Variants in CFAP99 observed in about 807,000 individuals in gnomAD.
CFAP99 encodes cilia- and flagella-associated protein 99.
A neutral mutation model predicts 82.7 loss-of-function variants in CFAP99; 84 were observed. The observed-to-expected ratio is 1.02, with a 90% CI of 0.85 to 1.22. The LOEUF is 1.22. Ranked by LOEUF, CFAP99 falls within the 50% of genes most tolerant of loss-of-function variation. The pLI is 0.00. For synonymous variants in CFAP99, 456 were observed against 429.5 expected (o/e 1.06, Z -0.76); for missense variants, 1,059 against 983.5 (o/e 1.08, Z -1.03).
chr4:2,437,943 A>G (rs1203762), intron 3 of CFAP99, 127 bp from the exon 4 acceptor site: 416,387 of 590,480 alleles, frequency 0.71, 150,811 homozygotes, highest in East Asian at 1. Context: ...TCAGGTGGGC[A>G]CCAATAGGGT....
chr4:2,449,960 G>T (rs1203957849), exon 8 of CFAP99: 1 of 1,536,092 alleles, frequency 6.5e-7, no homozygotes, highest in South Asian at 1.2e-5. Context: ...CAAACATCGA[G>T]GAACTGCGCT....
At chr4:2,433,203 C>T (rs987922087) in intron 2 of CFAP99, among the ~76,000 whole-genome samples, 13 of 152,236 alleles carry the variant, frequency 8.5e-5, no homozygotes, top group Non-Finnish European at 1.8e-4. Context: ...TGGCATAGGG[C>T]TCAAGGCTCC....
chr4:2,447,809 AATGGATGGATGGGTGGGTGGGTGG>A (rs1560385838), intron 6 of CFAP99, among the ~76,000 whole-genome samples: 1 of 125,072 alleles, frequency 8.0e-6, no homozygotes, highest in Non-Finnish European at 1.6e-5. Context: ...TAGGTGAATT[AATGGATGGATGGGTGGGTGGGTGG>A]ATGGATGGAT....
chr4:2,452,393 G>A, intron 11 of CFAP99, 47 bp downstream of exon 11: 2 of 1,517,956 alleles, frequency 1.3e-6, no homozygotes, highest in Non-Finnish European at 1.8e-6. Context: ...CAGCTGAACT[G>A]TGTGCCCACC....
Position 2,441,727 on chromosome 4 carries a change from C to T in CFAP99, c.352-1403C>T, listed in dbSNP as rs1285428892. Reference sequence around the variant, plus strand: ...ATGCCCCGCTGGGCCATGCCTATCCCATTGGGGTCCTTCTTCCTGCCTCGG... The same window carrying T: ...ATGCCCCGCTGGGCCATGCCTATCCTATTGGGGTCCTTCTTCCTGCCTCGG... On this transcript the variant is annotated intron_variant, in intron 4 of 14. Transcript: ENST00000635017. Among the ~76,000 whole-genome samples, 3 of 152,240 alleles carry T rather than the reference C, an allele frequency of 2.0e-5. No homozygotes were observed. The East Asian group carries it at 5.8e-4, about 29-fold the overall frequency.
intron 2 of CFAP99, among the ~76,000 whole-genome samples, chr4:2,431,625 C>T (rs1451073441): frequency 6.6e-6 from 1 of 152,162 alleles, no homozygotes; most frequent in Non-Finnish European, 1.5e-5. Flanking sequence ...CCATGGAGAT[C>T]CACTGCTGCT....
At chr4:2,440,178 G>T (rs28391615) in intron 4 of CFAP99, among the ~76,000 whole-genome samples, 4 of 104,440 alleles carry the variant, frequency 3.8e-5, no homozygotes, top group East Asian at 6.3e-4. Flanking sequence ...ACGGAGTCTC[G>T]CTCTGTCGCC....
intron 1 of CFAP99, among the ~76,000 whole-genome samples, chr4:2,425,617 C>T (rs1246665577): frequency 2.0e-5 from 3 of 152,202 alleles, no homozygotes; most frequent in African/African-American, 7.2e-5. Flanking sequence ...AGAAGGGCCC[C>T]CCTCTGCCCA....
chr4:2,442,406 G>A (rs1734063662), intron 4 of CFAP99, among the ~76,000 whole-genome samples: 1 of 152,090 alleles, frequency 6.6e-6, no homozygotes, highest in Non-Finnish European at 1.5e-5. Flanking sequence ...GGTTTCCTCT[G>A]CATGGAGAAG....
intron 2 of CFAP99, among the ~76,000 whole-genome samples, chr4:2,431,911 CTT>C (rs1297851329): frequency 6.6e-5 from 10 of 152,180 alleles, no homozygotes; most frequent in Non-Finnish European, 1.0e-4. Context: ...CATCGTTTCT[CTT>C]GTTATATTTT....
At chr4:2,422,931 C>A (rs1733612835) in intron 1 of CFAP99, among the ~76,000 whole-genome samples, 1 of 152,228 alleles carries the variant, frequency 6.6e-6, no homozygotes, top group Non-Finnish European at 1.5e-5. Context: ...CTCAGCCCCC[C>A]AAGGAGCTAG....
chr4:2,457,934 G>A (rs917841841), intron 11 of CFAP99, among the ~76,000 whole-genome samples: 22 of 152,324 alleles, frequency 1.4e-4, no homozygotes, highest in African/African-American at 4.3e-4. Context: ...AGACTTGTCC[G>A]CTGCCAGGGA....
Position 2,462,744 on chromosome 4 carries a change from G to A in CFAP99, c.1963G>A (p.Ala655Thr). 1.6e-6 allele frequency: 2 copies of A among 1,241,094 alleles called. No individual in the cohort carries two copies. The highest frequency in any genetic ancestry group is 3.1e-4 in the Middle Eastern group (1 of 3,182). The allele number at this position is 1,241,094 out of a possible 1,614,324, so 76.9% of individuals were successfully genotyped here. A position where few individuals can be genotyped will look rare whatever the true frequency, so the allele number is the denominator to read the frequency against. ...GGTCCGGTCCGCGGCCGGGAGATAC[G>A]CAGCGGCGGGCGCGGGAGGCGGTGG... is the stretch of plus-strand genomic sequence containing the variant. Residue 655 changes from alanine (A) to threonine (T), a missense_variant, in exon 15 of 15, where the codon GCA becomes ACA. Ala to Thr is a moderately conservative substitution (Grantham distance 58). Coordinates refer to ENST00000635017, the Ensembl canonical transcript of CFAP99. The surrounding 1 kb of genome is among the most constrained non-coding windows in gnomAD (Gnocchi z 4.1).
chr4:2,434,150 G>T (rs1460893039), intron 2 of CFAP99, among the ~76,000 whole-genome samples: 1 of 152,216 alleles, frequency 6.6e-6, no homozygotes, highest in Non-Finnish European at 1.5e-5. Flanking sequence ...AGCCCAGGAG[G>T]CTGGTTTCAG....
At position 2,448,524 on chromosome 4, in the gene CFAP99, C is replaced by T. The variant is rs373159191; in HGVS notation, c.643-1146C>T. On this transcript the variant is annotated intron_variant, in intron 6 of 14. Transcript: ENST00000635017. This position sits in a 1 kb window ranked among gnomAD's most constrained non-coding sequence, Gnocchi z 5.2. ...ATTATCTCAGACAAAGGAGATAAGA[C>T]GTGTTGGAGCGGTTGTGATTCTGGA... 5.3e-5 allele frequency among the ~76,000 whole-genome samples: 8 copies of T among 152,240 alleles called. No individual in the cohort carries two copies. Among genetic ancestry groups the T allele is most frequent in the Admixed American group, 3.9e-4 (6 of 15,290 alleles).
chr4:2,437,993 G>T (rs1324881725), intron 3 of CFAP99, 77 bp from the exon 4 acceptor site: 15 of 819,000 alleles, frequency 1.8e-5, no homozygotes, highest in Non-Finnish European at 3.0e-5. Flanking sequence ...CACGGTGGAG[G>T]CCTTCGGCTC....
chr4:2,445,466 A>C (rs1734143747), intron 6 of CFAP99, among the ~76,000 whole-genome samples, 158 bp downstream of exon 6: 2 of 149,314 alleles, frequency 1.3e-5, no homozygotes, highest in African/African-American at 5.0e-5. Context: ...CCCCACCCCC[A>C]CTCCCCACAG....
At chr4:2,452,238 A>G (rs982611755) in exon 11 of CFAP99, 1 of 1,536,160 alleles carries the variant, frequency 6.5e-7, no homozygotes, top group Admixed American at 2.0e-5. Context: ...AGCTGGCTGC[A>G]AGCGAGTGCC....
intron 6 of CFAP99, among the ~76,000 whole-genome samples, chr4:2,445,626 C>T (rs531404773): frequency 2.8e-4 from 43 of 152,256 alleles, no homozygotes; most frequent in African/African-American, 9.4e-4. Flanking sequence ...TTAACTCTGG[C>T]GTAATGCAAC....
Sources: allele counts gnomAD v4.1 joint callset (sites outside exome capture counted in the v4.1 genomes callset), GRCh38; gene constraint gnomAD v4.1.1; non-coding constraint Gnocchi (gnomAD v3.1); transcripts MANE v1.5; gene names NCBI Gene and HGNC (gene_info 2026-07-23, HGNC 2026-07-21).